The following C1QTNF7 variants were observed in gnomAD, a reference collection of about 807,000 sequenced individuals.
C1QTNF7 encodes the protein C1q and TNF related 7.
C1QTNF7 carries 15 observed loss-of-function variants against 19.6 expected under a neutral mutation model. That is an observed-to-expected ratio of 0.76 (90% CI 0.51 to 1.18). The LOEUF is 1.18. Among genes scored for constraint, C1QTNF7 ranks in the 50% most tolerant of loss-of-function variants. The pLI is 0.00. For missense variants in C1QTNF7, 324 were observed against 359.7 expected (o/e 0.90, Z 0.80); for synonymous variants, 142 against 137.5 (o/e 1.03, Z -0.23).
chr4:15,384,920 A>C (rs150170262), intron 1 of C1QTNF7, among the ~76,000 whole-genome samples: 21 of 152,252 alleles, frequency 1.4e-4, no homozygotes, highest in African/African-American at 5.1e-4. Context: ...AGCAGGGAGA[A>C]GCAAGAGCAG....
intron 1 of C1QTNF7, among the ~76,000 whole-genome samples, chr4:15,407,667 A>C (rs1339973884): frequency 6.6e-6 from 1 of 152,240 alleles, no homozygotes; most frequent in African/African-American, 2.4e-5. Flanking sequence ...TTAGTAAAAA[A>C]AACAAAAAGC....
intron 1 of C1QTNF7, among the ~76,000 whole-genome samples, chr4:15,393,469 C>T (rs1006422171): frequency 5.9e-5 from 9 of 152,198 alleles, no homozygotes; most frequent in Non-Finnish European, 1.3e-4. Context: ...CAAAGGTTCT[C>T]AACCCTGCCC....
rs201462955 is a variant in C1QTNF7, at chr4:15,393,162, T to TC, written c.14-42574_14-42573insC. On this transcript the variant is annotated intron_variant, in intron 1 of 2. Coordinates refer to the C1QTNF7 transcript ENST00000295297. Reference sequence around the variant, plus strand: ...CTTTCGCTTGGCCCTCTTTTCTGTCTTGTCTGCCGCCATGTAAGACATGCC... The same window carrying TC: ...CTTTCGCTTGGCCCTCTTTTCTGTCTCTGTCTGCCGCCATGTAAGACATGCC... Among the ~76,000 whole-genome samples the TC allele has an allele frequency of 4.9e-3, 745 of 152,326 alleles. 9 individuals are homozygous for TC. The highest frequency in any genetic ancestry group is 0.017 in the African/African-American group (701 of 41,562).
intron 1 of C1QTNF7, among the ~76,000 whole-genome samples, chr4:15,398,364 A>G (rs1041170017): frequency 1.3e-5 from 2 of 152,020 alleles, no homozygotes; most frequent in African/African-American, 4.8e-5. Flanking sequence ...TCCATTATTG[A>G]CCACCCCCCC....
intron 1 of C1QTNF7, among the ~76,000 whole-genome samples, chr4:15,343,516 C>G (rs1309517985): frequency 6.6e-6 from 1 of 151,884 alleles, no homozygotes; most frequent in East Asian, 1.9e-4. Flanking sequence ...TATTTTCACA[C>G]TTGGAAAGTC....
At chr4:15,437,044 G>A (rs971047298) in intron 2 of C1QTNF7, among the ~76,000 whole-genome samples, 2 of 152,140 alleles carry the variant, frequency 1.3e-5, no homozygotes, top group African/African-American at 4.8e-5. Context: ...CAGATAAGAA[G>A]CTTTAATTTG....
intron 1 of C1QTNF7, among the ~76,000 whole-genome samples, chr4:15,340,795 C>G (rs181893233): frequency 2.4e-4 from 36 of 152,212 alleles, no homozygotes; most frequent in Admixed American, 9.2e-4. Flanking sequence ...GAGAAGGAAA[C>G]AGTTCAACTC....
intron 1 of C1QTNF7, among the ~76,000 whole-genome samples, chr4:15,391,074 G>C (rs1257059943): frequency 6.6e-6 from 1 of 151,926 alleles, no homozygotes; most frequent in Non-Finnish European, 1.5e-5. Context: ...TAAAGTCTGG[G>C]GGTAGATCTT....
chr4:15,393,338 G>A (rs1273655013), intron 1 of C1QTNF7, among the ~76,000 whole-genome samples: 1 of 152,146 alleles, frequency 6.6e-6, no homozygotes, highest in African/African-American at 2.4e-5. Context: ...GAAACAACGT[G>A]GGTCCCACAC....
In C1QTNF7 at chr4:15,439,252, T is replaced by C. The variant is rs16891975; in HGVS notation, c.239-2916T>C. On this transcript the variant is annotated intron_variant, in intron 2 of 2. Coordinates refer to ENST00000444304, the MANE Select transcript of C1QTNF7 (RefSeq NM_031911.5). ...ATTACAGCTAGTCCATGATTATCTA[T>C]CACCCAATTCAGCATCTCAAACAAA... 9.3e-3 allele frequency among the ~76,000 whole-genome samples: 1,421 copies of C among 152,328 alleles called. 23 individuals are homozygous for C. Among genetic ancestry groups the C allele is most frequent in the African/African-American group, 0.033 (1,351 of 41,568 alleles).
At chr4:15,404,745 G>T (rs1020540930) in intron 1 of C1QTNF7, among the ~76,000 whole-genome samples, 1 of 152,182 alleles carries the variant, frequency 6.6e-6, no homozygotes, top group African/African-American at 2.4e-5. Context: ...AAGGGCATGG[G>T]AACCAAACAG....
intron 1 of C1QTNF7, among the ~76,000 whole-genome samples, chr4:15,385,848 C>T (rs969753872): frequency 2.6e-5 from 4 of 152,160 alleles, no homozygotes; most frequent in Non-Finnish European, 5.9e-5. Flanking sequence ...AGACACACAC[C>T]GAAAGTTTAA....
intron 1 of C1QTNF7, among the ~76,000 whole-genome samples, chr4:15,350,314 G>A: frequency 2.4e-5 from 2 of 84,778 alleles, no homozygotes; most frequent in Non-Finnish European, 4.5e-5. Context: ...AGGGAAGGGA[G>A]GGAAGGAAGG....
At chr4:15,439,995 TATAAA>T (rs1712686572) in intron 2 of C1QTNF7, among the ~76,000 whole-genome samples, 1 of 140,168 alleles carries the variant, frequency 7.1e-6, no homozygotes, top group Non-Finnish European at 1.6e-5. Flanking sequence ...ATTTTATATG[TATAAA>T]ATATTGTATA....
intron 1 of C1QTNF7, among the ~76,000 whole-genome samples, chr4:15,344,919 T>A (rs546806979): frequency 2.6e-5 from 4 of 152,216 alleles, no homozygotes; most frequent in Admixed American, 6.5e-5. Context: ...TTGTGACATA[T>A]GAGGATCTCA....
chr4:15,389,953 A>T (rs1409744200), intron 1 of C1QTNF7, among the ~76,000 whole-genome samples: 1 of 152,194 alleles, frequency 6.6e-6, no homozygotes, highest in African/African-American at 2.4e-5. Context: ...CAGGGTTATT[A>T]GTCTGTGATG....
chr4:15,405,505 G>C (rs1419104122), intron 1 of C1QTNF7, among the ~76,000 whole-genome samples: 1 of 152,228 alleles, frequency 6.6e-6, no homozygotes, highest in Non-Finnish European at 1.5e-5. Context: ...TCTGGTAGCA[G>C]AGGCAGAGGT....
intron 2 of C1QTNF7, 106 bp downstream of exon 2, chr4:15,436,087 C>G: frequency 1.2e-5 from 18 of 1,451,086 alleles, no homozygotes; most frequent in Non-Finnish European, 1.6e-5. Context: ...TAAACCCCTT[C>G]TGTACTTTCA....
At chr4:15,385,724 G>C (rs1718309314) in intron 1 of C1QTNF7, among the ~76,000 whole-genome samples, 1 of 152,204 alleles carries the variant, frequency 6.6e-6, no homozygotes, top group African/African-American at 2.4e-5. Flanking sequence ...TGCACTGTCA[G>C]CAGGCAAGGC....
Sources: allele counts gnomAD v4.1 joint callset (sites outside exome capture counted in the v4.1 genomes callset), GRCh38; gene constraint gnomAD v4.1.1; transcripts MANE v1.5; gene names NCBI Gene and HGNC (gene_info 2026-07-23, HGNC 2026-07-21).